SHC3: variants seen among roughly 807,000 people sequenced by gnomAD.
The protein encoded by SHC3 is SHC adaptor protein 3, also known as SHC-transforming protein 3.
Under a neutral mutation model 60.4 loss-of-function variants are expected in SHC3, and 15 were observed. That is an observed-to-expected ratio of 0.25 (90% CI 0.17 to 0.38). The LOEUF is 0.38. SHC3 is among the 10% of genes least tolerant of loss of function. SHC3 has a pLI of 1.00. For missense variants in SHC3, 677 were observed against 786.1 expected, an observed-to-expected ratio of 0.86 and a Z score of 1.66; for synonymous variants, 294 against 325.9, an observed-to-expected ratio of 0.90 and a Z score of 1.05.
At chr9:89,070,376 G>T (rs1393646611) in intron 5 of SHC3, among the ~76,000 whole-genome samples, 3 of 152,164 alleles carry the variant, frequency 2.0e-5, no homozygotes, top group Non-Finnish European at 2.9e-5. Context: ...TCTTCCCTTT[G>T]CCCTCTGTGC....
At chr9:89,032,503 A>C (rs551249643) in intron 11 of SHC3, among the ~76,000 whole-genome samples, 5 of 152,316 alleles carry the variant, frequency 3.3e-5, no homozygotes, top group African/African-American at 1.2e-4. Context: ...TCAGGGAATA[A>C]TTTTAGACAT....
chr9:89,170,440 G>A (rs186506705), intron 1 of SHC3, among the ~76,000 whole-genome samples: 29 of 152,360 alleles, frequency 1.9e-4, no homozygotes, highest in Middle Eastern at 6.8e-3. Flanking sequence ...GAGGCCAGGA[G>A]TTCAGGACCA....
intron 6 of SHC3, among the ~76,000 whole-genome samples, chr9:89,060,864 T>C (rs1285855717): frequency 6.6e-6 from 1 of 151,956 alleles, no homozygotes; most frequent in African/African-American, 2.4e-5. Context: ...TGCCGGCAGG[T>C]GCAGGTGAAG....
chr9:89,153,866 G>A (rs908554631), intron 1 of SHC3, among the ~76,000 whole-genome samples: 13 of 152,228 alleles, frequency 8.5e-5, no homozygotes, highest in African/African-American at 3.1e-4. Flanking sequence ...GACTGGGGAT[G>A]GCTCAGACTG....
At chr9:89,027,420 C>A (rs1355961764) in intron 11 of SHC3, among the ~76,000 whole-genome samples, 1 of 151,624 alleles carries the variant, frequency 6.6e-6, no homozygotes, top group Non-Finnish European at 1.5e-5. Flanking sequence ...CCCGGGTTCA[C>A]GCCATTCTGC....
chr9:89,174,319 T>C (rs1336224241), intron 1 of SHC3, among the ~76,000 whole-genome samples: 1 of 152,220 alleles, frequency 6.6e-6, no homozygotes, highest in Non-Finnish European at 1.5e-5. Flanking sequence ...AAACAGAGCT[T>C]TGTTCCAAAA....
At chr9:89,020,395 T>C (rs966834635) in intron 11 of SHC3, among the ~76,000 whole-genome samples, 2 of 152,104 alleles carry the variant, frequency 1.3e-5, no homozygotes, top group Non-Finnish European at 2.9e-5. Context: ...TGGGGGCCTC[T>C]GTGGTCTGTG....
rs757948476 is a variant in SHC3 at position 89,075,204 on chromosome 9, T to C, written c.634A>G (p.Ile212Val). 6.2e-7 allele frequency: 1 copy of C among 1,614,026 alleles called. No homozygotes were observed. ...AACTGGAGGTTGCTCTTTCCCAAGA[T>C]GCTGGACAGCATTTTGCTTGGAGGC... ...RKPPSKMLSSILGKSNLQFAG... is the reference protein window; with the variant it reads ...RKPPSKMLSSVLGKSNLQFAG... Residue 212 changes from isoleucine to valine, a missense_variant, in exon 4 of 12, where the codon ATC becomes GTC. By Grantham distance (29) the Ile-to-Val change is conservative. Coordinates refer to ENST00000375835, the MANE Select transcript of SHC3 (RefSeq NM_016848.6).
chr9:89,050,192 A>T (rs1824839722), intron 7 of SHC3, among the ~76,000 whole-genome samples: 1 of 152,184 alleles, frequency 6.6e-6, no homozygotes, highest in Admixed American at 6.5e-5. Context: ...TGCTTGACAA[A>T]TACAGTCAAA....
intron 5 of SHC3, among the ~76,000 whole-genome samples, chr9:89,070,658 C>G (rs1463902047): frequency 6.6e-6 from 1 of 152,172 alleles, no homozygotes; most frequent in African/African-American, 2.4e-5. Flanking sequence ...ATAGAACATT[C>G]TCATTCTGTT....
chr9:89,059,742 C>G (rs369946574), intron 6 of SHC3, among the ~76,000 whole-genome samples: 5 of 35,020 alleles, frequency 1.4e-4, no homozygotes, highest in Non-Finnish European at 2.1e-4. Context: ...TGGTGGAGGA[C>G]GTGGTGGAGG....
chr9:89,098,413 T>C (rs893224356), intron 2 of SHC3, among the ~76,000 whole-genome samples: 1 of 152,258 alleles, frequency 6.6e-6, no homozygotes, highest in Admixed American at 6.5e-5. Flanking sequence ...TTGATCATTG[T>C]GCTGTGAGTA....
chr9:89,059,336 T>C (rs570188048), intron 6 of SHC3, among the ~76,000 whole-genome samples: 3,400 of 98,534 alleles, frequency 0.035, 83 homozygotes, highest in Middle Eastern at 0.098. Flanking sequence ...AGGATGGTGG[T>C]GGAGGACGGT....
rs573478078 is a variant in SHC3 at position 89,143,915 on chromosome 9, T to G, written c.475-31289A>C. Among the ~76,000 whole-genome samples, 7 of 152,268 alleles carry G rather than the reference T, an allele frequency of 4.6e-5. No individual in the cohort carries two copies. In the East Asian group the frequency reaches 1.4e-3, roughly 29 times the overall value. On this transcript the variant is annotated intron_variant, in intron 1 of 11. Transcript: ENST00000375835. ...CCACTAAACCTTTAAGCCACTGATA[T>G]ATGTCTGGACTCCATCAAAGTGTCC...
chr9:89,129,997 T>C (rs1277306911), intron 1 of SHC3, among the ~76,000 whole-genome samples: 1 of 152,220 alleles, frequency 6.6e-6, no homozygotes, highest in African/African-American at 2.4e-5. Context: ...ATCAGTGTGC[T>C]GTATTCAGGA....
intron 2 of SHC3, among the ~76,000 whole-genome samples, chr9:89,081,261 C>A (rs1321946146): frequency 2.0e-5 from 3 of 152,098 alleles, no homozygotes; most frequent in African/African-American, 4.8e-5. Flanking sequence ...GAGGGCGGAG[C>A]AAAGGATATG....
intron 1 of SHC3, among the ~76,000 whole-genome samples, chr9:89,154,871 G>A (rs1166557192): frequency 1.3e-5 from 2 of 152,300 alleles, no homozygotes; most frequent in African/African-American, 2.4e-5. Flanking sequence ...AAAGTCAAAG[G>A]AAAAGAGCAA....
At chr9:89,067,164 A>G (rs567076159) in intron 5 of SHC3, among the ~76,000 whole-genome samples, 21 of 152,370 alleles carry the variant, frequency 1.4e-4, no homozygotes, top group African/African-American at 4.6e-4. Flanking sequence ...GGTCATTTCC[A>G]TCAAGGAGGA....
chr9:89,152,007 C>G (rs937873809), intron 1 of SHC3, among the ~76,000 whole-genome samples: 4 of 152,220 alleles, frequency 2.6e-5, no homozygotes, highest in Non-Finnish European at 4.4e-5. Context: ...TCTGGATTTG[C>G]AATAATGTTT....
Sources: gnomAD v4.1 joint callset for allele counts (sites outside exome capture counted in the v4.1 genomes callset) on GRCh38, gnomAD v4.1.1 for gene constraint, MANE v1.5 for transcripts, NCBI Gene and HGNC (gene_info 2026-07-23, HGNC 2026-07-21) for gene names.